Variants in ETV3 observed in about 807,000 individuals in gnomAD.
ETV3 encodes the protein ETS translocation variant 3.
Under a neutral mutation model 33.0 loss-of-function variants are expected in ETV3, and 8 were observed. The observed-to-expected ratio is 0.24, with a 90% CI of 0.14 to 0.44. ETV3 has a LOEUF of 0.44. Ranked by LOEUF, ETV3 falls within the 20% of genes least tolerant of loss-of-function variation. ETV3 has a pLI of 1.00. For missense variants in ETV3, 473 were observed against 652.3 expected, an observed-to-expected ratio of 0.73 and a Z score of 2.99; for synonymous variants, 222 against 238.9, an observed-to-expected ratio of 0.93 and a Z score of 0.65.
intron 1 of ETV3, among the ~76,000 whole-genome samples, chr1:157,137,563 A>AT (rs979003035): frequency 6.6e-6 from 1 of 151,314 alleles, no homozygotes; most frequent in Non-Finnish European, 1.5e-5. Flanking sequence ...CACGAGATAC[A>AT]TAATAACGAG....
At chr1:157,126,117 A>C in intron 4 of ETV3, 138 bp from the exon 5 acceptor site, 1 of 774,178 alleles carries the variant, frequency 1.3e-6, no homozygotes, top group South Asian at 1.9e-5. Context: ...CAGTTCTCCA[A>C]CTTCCTAGTA....
intron 4 of ETV3, among the ~76,000 whole-genome samples, chr1:157,132,317 A>G (rs1212830737): frequency 6.6e-6 from 1 of 152,238 alleles, no homozygotes; most frequent in African/African-American, 2.4e-5. Context: ...GCCTTCGGGC[A>G]GAACAGGTGT....
chr1:157,133,382 G>A (rs1675019205), intron 4 of ETV3: 1 of 985,254 alleles, frequency 1.0e-6, no homozygotes, highest in Non-Finnish European at 1.2e-6. Context: ...GGGAACTACT[G>A]TATTTTCTTG....
intron 4 of ETV3, among the ~76,000 whole-genome samples, chr1:157,126,397 T>G (rs1165289580): frequency 6.6e-6 from 1 of 152,228 alleles, no homozygotes; most frequent in Non-Finnish European, 1.5e-5. Flanking sequence ...ATATTGTGTA[T>G]ATATTACCTG....
rs1675093471 is a variant in ETV3, at chr1:157,135,771, C to G, written c.47-63G>C. The G allele has an allele frequency of 3.4e-6, 5 of 1,470,664 alleles. No individual in the cohort carries two copies. In the South Asian group the frequency reaches 4.6e-5, roughly 14 times the overall value. 91.1% of individuals were successfully genotyped at this position (1,470,664 alleles called of 1,614,324 possible). On this transcript the variant is annotated intron_variant, in intron 2 of 4. Transcript: ENST00000368192. ...GGTAGGTACATACATACCAGCAACC[C>G]CAACTGCACATTCCACTGCTCAGAA...
At position 157,125,791 on chromosome 1, in the gene ETV3, C is replaced by A. The variant is rs770499225; in HGVS notation, c.589G>T (p.Gly197Cys). Reference protein sequence around the residue: ...RKTELSELEDGSAADWRRGVD... With the variant: ...RKTELSELEDCSAADWRRGVD... ...CCCCGGCGCCAGTCAGCAGCTGAGC[C>A]ATCCTCCAGCTCTGAAAGCTCAGTC... is the stretch of plus-strand genomic sequence containing the variant. The change falls in exon 5 of 5, where the codon GGC becomes TGC. Residue 197 changes from glycine (G) to cysteine (C), a missense_variant. This residue lies in a region of ETV3 where 410 missense variants were observed against 520.2 expected (regional missense o/e 0.79). Coordinates refer to ENST00000368192, the MANE Select transcript of ETV3 (RefSeq NM_001145312.3). The surrounding 1 kb of genome is among the most constrained non-coding windows in gnomAD (Gnocchi z 4.0). The A allele has an allele frequency of 5.2e-6, 8 of 1,551,674 alleles. No homozygotes were observed. The highest frequency in any genetic ancestry group is 7.0e-6 in the Non-Finnish European group (8 of 1,146,986).
rs573929141 is a variant in ETV3 at position 157,127,772 on chromosome 1, C to T, written c.401-1793G>A. ...ATGTTGGCCAGGCTGATCTCGAACT[C>T]CTGGCCTCAAACGATAAACTTGCTT... On this transcript the variant is annotated intron_variant, in intron 4 of 4. Coordinates refer to ENST00000368192, the MANE Select transcript of ETV3 (RefSeq NM_001145312.3). Among the ~76,000 whole-genome samples the T allele has an allele frequency of 2.0e-5, 3 of 152,254 alleles. No homozygotes were observed. In the South Asian group the frequency reaches 6.2e-4, roughly 32 times the overall value.
rs1674810145 is a variant in ETV3, at chr1:157,125,518, T to C, written c.862A>G (p.Ser288Gly). Residue 288 changes from serine (S) to glycine (G), a missense_variant, in exon 5 of 5, where the codon AGC becomes GGC. By Grantham distance (56) the Ser-to-Gly change is moderately conservative. Coordinates refer to ENST00000368192, the MANE Select transcript of ETV3 (RefSeq NM_001145312.3). This position sits in a 1 kb window ranked among gnomAD's most constrained non-coding sequence, Gnocchi z 4.0. ...PSPGLSPFTS[S>G]SCFSFNPEEM... ...TCAGGGTTGAAGGAGAAGCAGCTGC[T>C]GCTGGTGAAAGGGCTCAGGCCTGGT... 3.2e-6 allele frequency: 5 copies of C among 1,552,120 alleles called. No individual in the cohort carries two copies. In the East Asian group the frequency reaches 1.2e-4, roughly 38 times the overall value.
chr1:157,135,817 T>G, intron 2 of ETV3, 109 bp from the exon 3 acceptor site: 1 of 1,111,730 alleles, frequency 9.0e-7, no homozygotes, highest in Non-Finnish European at 1.3e-6. Flanking sequence ...TTTGCAAACA[T>G]GCTGTAAGTA....
chr1:157,135,003 A>G (rs1298312519), intron 3 of ETV3: 1 of 179,888 alleles, frequency 5.6e-6, no homozygotes, highest in African/African-American at 2.4e-5. Flanking sequence ...GCTATGGACA[A>G]CCTGAGCTCA....
intron 1 of ETV3, among the ~76,000 whole-genome samples, chr1:157,137,001 A>G (rs1675128694): frequency 1.3e-5 from 2 of 152,048 alleles, no homozygotes; most frequent in Admixed American, 1.3e-4. Flanking sequence ...ACACACACAA[A>G]CTCTCAAAAA....
At chr1:157,135,818 G>T in intron 2 of ETV3, 110 bp from the exon 3 acceptor site, 5 of 1,105,344 alleles carry the variant, frequency 4.5e-6, no homozygotes, top group Non-Finnish European at 6.6e-6. Context: ...TTGCAAACAT[G>T]CTGTAAGTAC....
chr1:157,129,802 C>T (rs1393536274), intron 4 of ETV3, among the ~76,000 whole-genome samples: 1 of 152,078 alleles, frequency 6.6e-6, no homozygotes, highest in Non-Finnish European at 1.5e-5. Flanking sequence ...AGGGAAAGGT[C>T]TTGTCTCCTA....
At chr1:157,132,817 G>C (rs975621938) in intron 4 of ETV3, among the ~76,000 whole-genome samples, 11 of 151,404 alleles carry the variant, frequency 7.3e-5, no homozygotes, top group African/African-American at 2.4e-4. Flanking sequence ...AGATGAAACT[G>C]TAATGATAGC....
intron 4 of ETV3, among the ~76,000 whole-genome samples, chr1:157,128,080 A>C (rs1450263985): frequency 1.3e-5 from 2 of 152,214 alleles, no homozygotes; most frequent in Admixed American, 6.5e-5. Flanking sequence ...GAAACAAAAA[A>C]GGTACACAGA....
chr1:157,136,244 G>T, intron 2 of ETV3, 63 bp downstream of exon 2: 1 of 1,477,294 alleles, frequency 6.8e-7, no homozygotes, highest in South Asian at 1.1e-5. Context: ...AGCTCAAGTG[G>T]AGAGGACAGG....
chr1:157,128,488 A>T (rs1674894384), intron 4 of ETV3: 1 of 301,398 alleles, frequency 3.3e-6, no homozygotes, highest in African/African-American at 2.2e-5. Context: ...AAGACAGGTC[A>T]GGCCACTGGA....
Position 157,136,334 on chromosome 1 carries a change from T to C in ETV3, c.19A>G (p.Ile7Val), listed in dbSNP as rs1483419889. The change falls in exon 2 of 5, where the codon ATC becomes GTC. Residue 7 changes from isoleucine (I) to valine (V), a missense_variant. This residue lies in a region of ETV3 where 33 missense variants were observed against 37.1 expected (regional missense o/e 0.89). Coordinates refer to ENST00000368192, the MANE Select transcript of ETV3 (RefSeq NM_001145312.3). MKAGCSIVEKPEGGGGY... is the reference protein window; with the variant it reads MKAGCSVVEKPEGGGGY... ...CCACCTCCTTCTGGCTTTTCCACGATGCTACAGCCGGCTTTCATTTTCACC... is the reference window on the plus strand; with the variant it reads ...CCACCTCCTTCTGGCTTTTCCACGACGCTACAGCCGGCTTTCATTTTCACC... 6.2e-7 allele frequency: 1 copy of C among 1,611,222 alleles called. No homozygotes were observed. The highest frequency in any genetic ancestry group is 8.5e-7 in the Non-Finnish European group (1 of 1,178,904).
intron 4 of ETV3, among the ~76,000 whole-genome samples, chr1:157,130,928 ATGTCCT>A (rs1485661180): frequency 6.6e-6 from 1 of 152,186 alleles, no homozygotes; most frequent in Non-Finnish European, 1.5e-5. Context: ...ATGGAGGAGA[ATGTCCT>A]TGTTCCTGGG....
Sources: allele counts gnomAD v4.1 joint callset (sites outside exome capture counted in the v4.1 genomes callset), GRCh38; gene constraint gnomAD v4.1.1; regional missense constraint gnomAD v4.1.1; non-coding constraint Gnocchi (gnomAD v3.1); transcripts MANE v1.5; gene names NCBI Gene and HGNC (gene_info 2026-07-23, HGNC 2026-07-21).